The following XRRA1 variants were observed in gnomAD, a reference collection of about 807,000 sequenced individuals.
XRRA1 encodes the protein X-ray radiation resistance associated 1, also known as X-ray radiation resistance-associated protein 1.
A neutral mutation model predicts 80.2 loss-of-function variants in XRRA1; 69 were observed. The ratio of observed to expected loss-of-function variants is 0.86; its 90% confidence interval spans 0.71 to 1.05. The LOEUF (loss-of-function observed/expected upper bound fraction) is 1.05, where lower values mean the gene tolerates loss of function less well. XRRA1 is among the 50% of genes least tolerant of loss of function. The pLI, the probability that XRRA1 is intolerant of heterozygous loss-of-function variation, is 0.00. For missense variants in XRRA1, 967 were observed against 976.4 expected, an observed-to-expected ratio of 0.99 and a Z score of 0.13; for synonymous variants, 348 against 389.9, an observed-to-expected ratio of 0.89 and a Z score of 1.27.
At chr11:74,940,681 A>G (rs1232609467) in intron 3 of XRRA1, 104 bp downstream of exon 3, 2 of 903,818 alleles carry the variant, frequency 2.2e-6, no homozygotes, top group African/African-American at 3.3e-5. Flanking sequence ...TAGGTAGAGC[A>G]GGGAACAGTA....
chr11:74,930,896 C>T (rs1943378889), intron 5 of XRRA1, among the ~76,000 whole-genome samples: 1 of 152,092 alleles, frequency 6.6e-6, no homozygotes, highest in Non-Finnish European at 1.5e-5. Flanking sequence ...CCTCAACTTC[C>T]CCAGCTCGGG....
At chr11:74,846,644 T>C (rs200512935) in intron 15 of XRRA1, among the ~76,000 whole-genome samples, 2 of 92,382 alleles carry the variant, frequency 2.2e-5, no homozygotes, top group Non-Finnish European at 5.6e-5. Flanking sequence ...AATCAATTAA[T>C]ATAATATATC....
At chr11:74,933,105 G>A (rs1487613489) in intron 5 of XRRA1, among the ~76,000 whole-genome samples, 1 of 152,184 alleles carries the variant, frequency 6.6e-6, no homozygotes, top group Non-Finnish European at 1.5e-5. Context: ...GAACGAACCA[G>A]CTTCTTGGGA....
intron 10 of XRRA1, among the ~76,000 whole-genome samples, chr11:74,879,354 G>A (rs1473339107): frequency 6.6e-6 from 1 of 152,134 alleles, no homozygotes; most frequent in Non-Finnish European, 1.5e-5. Context: ...TCAGCTTAAG[G>A]AGATTTTGGG....
chr11:74,893,896 G>A (rs1430963647), intron 10 of XRRA1, among the ~76,000 whole-genome samples: 1 of 152,168 alleles, frequency 6.6e-6, no homozygotes, highest in Non-Finnish European at 1.5e-5. Context: ...CCACTATTGG[G>A]TATATACCCA....
chr11:74,934,011 A>ATTCC (rs2139606264), intron 4 of XRRA1, 139 bp from the exon 5 acceptor site: 1 of 761,796 alleles, frequency 1.3e-6, no homozygotes, highest in Non-Finnish European at 2.1e-6. Context: ...TCATTCATTC[A>ATTCC]TTCATTATTC....
At position 74,933,547 on chromosome 11, in the gene XRRA1, C is replaced by T. The variant is rs192996700; in HGVS notation, c.351+254G>A. ...CTGGGATTACAGCCCTGAGCCACCA[C>T]GCCTGGCCCATAAGGCAATTTTCTT... On this transcript the variant is annotated intron_variant, in intron 5 of 18. Coordinates refer to ENST00000684022, the MANE Select transcript of XRRA1 (RefSeq NM_001378157.1). 416 of 346,572 alleles carry T rather than the reference C, an allele frequency of 1.2e-3. 1 individual carries two copies. Among genetic ancestry groups the T allele is most frequent in the African/African-American group, 4.5e-3 (218 of 48,496 alleles). 21.5% of individuals were successfully genotyped at this position (346,572 alleles called of 1,614,324 possible).
At chr11:74,909,361 A>G (rs187400728) in intron 8 of XRRA1, among the ~76,000 whole-genome samples, 1 of 152,296 alleles carries the variant, frequency 6.6e-6, no homozygotes, top group East Asian at 1.9e-4. Context: ...AGAACAGTGC[A>G]CAGCAGCTGT....
chr11:74,866,086 G>A (rs918562550), intron 10 of XRRA1, among the ~76,000 whole-genome samples: 12 of 152,080 alleles, frequency 7.9e-5, no homozygotes, highest in African/African-American at 2.4e-4. Flanking sequence ...TTCAAGGCAC[G>A]GATATCATCA....
intron 8 of XRRA1, chr11:74,919,646 G>A (rs1036376326): frequency 1.1e-5 from 6 of 555,914 alleles, no homozygotes; most frequent in African/African-American, 3.9e-5. Flanking sequence ...TCAATGAGGT[G>A]GTGACCCGAG....
intron 11 of XRRA1, among the ~76,000 whole-genome samples, chr11:74,860,216 A>T (rs1401684542): frequency 6.6e-6 from 1 of 152,220 alleles, no homozygotes; most frequent in Non-Finnish European, 1.5e-5. Flanking sequence ...TGGACAGGTC[A>T]GTCATGGGTG....
At chr11:74,854,681 CCCAAATCTGGCCCATGAT>C (rs1009653433) in intron 12 of XRRA1, among the ~76,000 whole-genome samples, 1 of 152,062 alleles carries the variant, frequency 6.6e-6, no homozygotes, top group Non-Finnish European at 1.5e-5. Flanking sequence ...GGGCCCATGG[CCCAAATCTGGCCCATGAT>C]CCATTTACTA....
chr11:74,853,165 T>G (rs2040297533), intron 12 of XRRA1, among the ~76,000 whole-genome samples: 1 of 152,092 alleles, frequency 6.6e-6, no homozygotes, highest in Admixed American at 6.5e-5. Flanking sequence ...GGAGAATAGA[T>G]TTACAATGTG....
rs2037619180 is a variant in XRRA1, at chr11:74,844,891, T to TC, written c.1927+181dup. On this transcript the variant is annotated intron_variant, in intron 16 of 18. Transcript: ENST00000684022. Reference sequence around the variant, plus strand: ...GTGAAGGCCTAGGCCAGGACAGGGGTCCCAATATGTGGGGCTTCAAACAAA... The same window carrying TC: ...GTGAAGGCCTAGGCCAGGACAGGGGTCCCCAATATGTGGGGCTTCAAACAAA... 2.0e-5 allele frequency among the ~76,000 whole-genome samples: 3 copies of TC among 152,352 alleles called. No homozygotes were observed. In the South Asian group the frequency reaches 6.2e-4, roughly 32 times the overall value.
At position 74,911,768 on chromosome 11, in the gene XRRA1, C is replaced by A. The variant is rs113498352; in HGVS notation, c.657-4495G>T. On this transcript the variant is annotated intron_variant, in intron 8 of 18. Transcript: ENST00000684022. ...GTGAAGAGAGAAAGGAAGCAGTATGCCAAATCTAAAAACCCAGAGGGAGAA... is the reference window on the plus strand; with the variant it reads ...GTGAAGAGAGAAAGGAAGCAGTATGACAAATCTAAAAACCCAGAGGGAGAA... 1.4e-3 allele frequency among the ~76,000 whole-genome samples: 219 copies of A among 152,130 alleles called. 2 individuals carry two copies. Among genetic ancestry groups the A allele is most frequent in the Non-Finnish European group, 2.3e-3 (154 of 68,008 alleles).
At chr11:74,870,669 A>G (rs1282886549) in intron 10 of XRRA1, among the ~76,000 whole-genome samples, 1 of 152,170 alleles carries the variant, frequency 6.6e-6, no homozygotes, top group Non-Finnish European at 1.5e-5. Flanking sequence ...CAAGGTCTAC[A>G]GCACCACCTA....
chr11:74,932,128 A>G (rs1450723271), intron 5 of XRRA1, among the ~76,000 whole-genome samples: 1 of 152,108 alleles, frequency 6.6e-6, no homozygotes, highest in East Asian at 1.9e-4. Flanking sequence ...CTGGATCCCA[A>G]TACTTTTTGG....
intron 5 of XRRA1, 51 bp from the exon 6 acceptor site, chr11:74,930,423 T>C: frequency 7.0e-7 from 1 of 1,431,052 alleles, no homozygotes; most frequent in Non-Finnish European, 9.4e-7. Context: ...ATTAGTTCCC[T>C]GCCTAGAAGC....
chr11:74,938,994 G>T (rs939132213), intron 3 of XRRA1, among the ~76,000 whole-genome samples: 6 of 152,190 alleles, frequency 3.9e-5, no homozygotes, highest in Admixed American at 3.3e-4. Flanking sequence ...TATTACTGTA[G>T]TGTTTGAATA....
Sources: gnomAD v4.1 joint callset for allele counts (sites outside exome capture counted in the v4.1 genomes callset) on GRCh38, gnomAD v4.1.1 for gene constraint, MANE v1.5 for transcripts, NCBI Gene and HGNC (gene_info 2026-07-23, HGNC 2026-07-21) for gene names.